The following EXOC4 variants were observed in gnomAD, a reference collection of about 807,000 sequenced individuals.
The protein encoded by EXOC4 is SEC8-like 1.
Under a neutral mutation model 107.2 loss-of-function variants are expected in EXOC4, and 71 were observed. That is an observed-to-expected ratio of 0.66 (90% CI 0.55 to 0.81). The LOEUF is 0.81. Ranked by LOEUF, EXOC4 falls within the 30% of genes least tolerant of loss-of-function variation. The pLI is 0.00. For synonymous variants in EXOC4, 456 were observed against 441.2 expected, an observed-to-expected ratio of 1.03 and a Z score of -0.42; for missense variants, 1,108 against 1,189.6, an observed-to-expected ratio of 0.93 and a Z score of 1.01.
chr7:133,293,158 TATCCCA>T (rs1794444411), intron 3 of EXOC4, among the ~76,000 whole-genome samples: 1 of 152,198 alleles, frequency 6.6e-6, no homozygotes, highest in South Asian at 2.1e-4. Context: ...GGAGTTGGCA[TATCCCA>T]ATAAACAATG....
At chr7:133,741,637 C>T (rs1034985080) in intron 10 of EXOC4, among the ~76,000 whole-genome samples, 2 of 152,156 alleles carry the variant, frequency 1.3e-5, no homozygotes, top group African/African-American at 4.8e-5. Context: ...TCTAATTGAA[C>T]TATGTGCACA....
At chr7:133,793,177 G>T (rs1796740528) in intron 10 of EXOC4, among the ~76,000 whole-genome samples, 1 of 152,082 alleles carries the variant, frequency 6.6e-6, no homozygotes, top group Admixed American at 6.5e-5. Context: ...GAGTGAACAG[G>T]GAGCACTTTC....
At chr7:134,028,598 G>A (rs943175825) in intron 17 of EXOC4, among the ~76,000 whole-genome samples, 36 of 152,268 alleles carry the variant, frequency 2.4e-4, no homozygotes, top group African/African-American at 7.5e-4. Context: ...CTTCTCTGTC[G>A]CTAGCAATGG....
At chr7:133,558,041 T>A (rs1800728198) in intron 9 of EXOC4, among the ~76,000 whole-genome samples, 1 of 152,098 alleles carries the variant, frequency 6.6e-6, no homozygotes, top group South Asian at 2.1e-4. Context: ...ATGATAAGTG[T>A]TTTCCCCTCA....
intron 10 of EXOC4, among the ~76,000 whole-genome samples, chr7:133,671,929 T>C (rs755914002): frequency 6.6e-5 from 10 of 152,188 alleles, no homozygotes; most frequent in Non-Finnish European, 1.5e-4. Flanking sequence ...TATTAGATAG[T>C]CAAGTGTATG....
intron 13 of EXOC4, among the ~76,000 whole-genome samples, chr7:133,923,317 C>T (rs1465561818): frequency 6.6e-6 from 1 of 151,906 alleles, no homozygotes; most frequent in Non-Finnish European, 1.5e-5. Context: ...TTAGTAGAGA[C>T]AGGGTTTCAC....
chr7:134,054,123 T>C (rs542779858), intron 17 of EXOC4, among the ~76,000 whole-genome samples: 2 of 152,248 alleles, frequency 1.3e-5, no homozygotes, highest in East Asian at 3.9e-4. Context: ...TTTTTTATAT[T>C]TTTGGTAAAG....
chr7:134,023,659 A>G (rs1432798369), intron 17 of EXOC4, among the ~76,000 whole-genome samples: 1 of 152,228 alleles, frequency 6.6e-6, no homozygotes. Context: ...AGTCAGGTCT[A>G]TCTGCAGTTT....
intron 3 of EXOC4, among the ~76,000 whole-genome samples, chr7:133,295,213 C>T (rs1183001033): frequency 6.6e-6 from 1 of 151,966 alleles, no homozygotes. Context: ...TTCTTCTTGG[C>T]CTAACATGGA....
At chr7:134,000,412 G>A (rs1264610598) in intron 15 of EXOC4, among the ~76,000 whole-genome samples, 1 of 152,114 alleles carries the variant, frequency 6.6e-6, no homozygotes. Context: ...GCTCTTCCAG[G>A]TGTGGCTTGT....
chr7:133,907,866 AGGAG>A (rs937131521), intron 12 of EXOC4, among the ~76,000 whole-genome samples: 5 of 150,838 alleles, frequency 3.3e-5, no homozygotes, highest in African/African-American at 1.2e-4. Flanking sequence ...AAGGAGGGGA[AGGAG>A]GGAGGGAGGG....
intron 17 of EXOC4, among the ~76,000 whole-genome samples, chr7:134,045,361 C>T (rs1248570848): frequency 3.3e-5 from 5 of 152,168 alleles, no homozygotes; most frequent in African/African-American, 9.7e-5. Flanking sequence ...CTTACAAAAG[C>T]GTAGAGCCCT....
chr7:133,923,707 C>T (rs1363502186), intron 13 of EXOC4, among the ~76,000 whole-genome samples: 1 of 152,086 alleles, frequency 6.6e-6, no homozygotes, highest in African/African-American at 2.4e-5. Flanking sequence ...GTACAGGCCA[C>T]CTTTTTTACT....
intron 10 of EXOC4, chr7:133,727,267 C>CAGCCACTTATAAGAGA (rs1434461143): frequency 1.3e-5 from 2 of 153,252 alleles, no homozygotes; most frequent in Non-Finnish European, 2.9e-5. Flanking sequence ...GAAATAAGAC[C>CAGCCACTTATAAGAGA]AGCCACTTAT....
intron 10 of EXOC4, among the ~76,000 whole-genome samples, chr7:133,749,568 AT>A (rs1195989841): frequency 6.6e-6 from 1 of 151,960 alleles, no homozygotes; most frequent in Non-Finnish European, 1.5e-5. Context: ...AATTTTTTGT[AT>A]TTTTAATAGA....
intron 8 of EXOC4, among the ~76,000 whole-genome samples, chr7:133,475,815 A>C (rs953482108): frequency 5.3e-5 from 8 of 152,330 alleles, no homozygotes; most frequent in African/African-American, 1.7e-4. Context: ...AAAAGGCCCC[A>C]AGAGCCAAGA....
intron 17 of EXOC4, among the ~76,000 whole-genome samples, chr7:134,032,615 T>C (rs1795295101): frequency 1.3e-5 from 2 of 152,316 alleles, no homozygotes; most frequent in Non-Finnish European, 2.9e-5. Context: ...GGTGGCCACC[T>C]TTCTGCCTGC....
chr7:133,966,783 T>TTTG (rs1445773651), intron 14 of EXOC4, among the ~76,000 whole-genome samples: 1 of 152,112 alleles, frequency 6.6e-6, no homozygotes, highest in Non-Finnish European at 1.5e-5. Context: ...GCCCTGAAAT[T>TTTG]TTGTTGTTGT....
intron 6 of EXOC4, among the ~76,000 whole-genome samples, chr7:133,357,961 G>A (rs1309249767): frequency 6.6e-6 from 1 of 152,116 alleles, no homozygotes; most frequent in Admixed American, 6.6e-5. Flanking sequence ...GCTGAGGTGG[G>A]CAGATTGCTT....
Sources: allele counts gnomAD v4.1 joint callset (sites outside exome capture counted in the v4.1 genomes callset), GRCh38; gene constraint gnomAD v4.1.1; transcripts MANE v1.5; gene names NCBI Gene and HGNC (gene_info 2026-07-23, HGNC 2026-07-21).